SP1: variants seen among roughly 807,000 people sequenced by gnomAD.
SP1 encodes Sp1 transcription factor, also known as transcription factor Sp1.
SP1 carries 6 observed loss-of-function variants against 66.3 expected under a neutral mutation model. The ratio of observed to expected loss-of-function variants is 0.09; its 90% CI spans 0.05 to 0.18. The LOEUF (loss-of-function observed/expected upper bound fraction) is 0.18. SP1 is among the 10% of genes least tolerant of loss of function. The pLI, the probability that SP1 is intolerant of heterozygous loss-of-function variation, is 1.00. For synonymous variants in SP1, 417 were observed against 360.8 expected, an observed-to-expected ratio of 1.16 and a Z score of -1.77; for missense variants, 848 against 964.5, an observed-to-expected ratio of 0.88 and a Z score of 1.60.
At chr12:53,405,711 G>A (rs1938718181) in intron 3 of SP1, among the ~76,000 whole-genome samples, 1 of 151,722 alleles carries the variant, frequency 6.6e-6, no homozygotes. Flanking sequence ...AGGAGGGAAG[G>A]AGGGAGGGAG....
At position 53,415,124 on chromosome 12, in the gene SP1, C is replaced by T. The variant is rs1938969710; in HGVS notation, c.*3884C>T. 6.6e-6 allele frequency: 1 copy of T among 152,516 alleles called. No homozygotes were observed. 9.4% of individuals were successfully genotyped at this position (152,516 alleles called of 1,614,324 possible). ...TGGGGAAAGGGAGGAAGATATGGCA[C>T]TTCTCCAACCCCGGAAAACATTGCT... On this transcript the variant is annotated 3_prime_UTR_variant, in exon 6 of 6. Coordinates refer to ENST00000327443, the MANE Select transcript of SP1 (RefSeq NM_138473.3).
At chr12:53,397,654 C>T (rs886407636) in intron 3 of SP1, among the ~76,000 whole-genome samples, 1 of 147,752 alleles carries the variant, frequency 6.8e-6, no homozygotes, top group Non-Finnish European at 1.5e-5. Context: ...GGCATGATCT[C>T]GGCTCACTGC....
rs752999923 is a variant in SP1 at position 53,406,582 on chromosome 12, C to G, written c.1676-3C>G. 6.2e-7 allele frequency: 1 copy of G among 1,613,404 alleles called. No homozygotes were observed. Among genetic ancestry groups the G allele is most frequent in the Non-Finnish European group, 8.5e-7 (1 of 1,179,544 alleles). Reference sequence around the variant, plus strand: ...TGTTGACCCTTTTCTCTCTTAATTTCAGGTGATCATGGAGCTCAGCTTGGT... The same window carrying G: ...TGTTGACCCTTTTCTCTCTTAATTTGAGGTGATCATGGAGCTCAGCTTGGT... On this transcript the variant is annotated splice_region_variant and splice_polypyrimidine_tract_variant and intron_variant, in intron 3 of 5. Transcript: ENST00000327443.
chr12:53,403,188 CAA>C (rs1282718514), intron 3 of SP1, among the ~76,000 whole-genome samples: 2 of 151,862 alleles, frequency 1.3e-5, no homozygotes, highest in East Asian at 3.9e-4. Context: ...CATAGTAACT[CAA>C]AATTATGTGG....
intron 5 of SP1, among the ~76,000 whole-genome samples, chr12:53,409,876 G>C (rs1565818972): frequency 6.6e-6 from 1 of 152,152 alleles, no homozygotes; most frequent in Non-Finnish European, 1.5e-5. Context: ...CGGGCATGGT[G>C]GCAGGCGCCT....
In SP1 at chr12:53,411,397, G is replaced by A; in HGVS notation, c.*157G>A. 1.7e-6 allele frequency: 1 copy of A among 596,508 alleles called. No individual in the cohort carries two copies. The highest frequency in any genetic ancestry group is 2.9e-6 in the Non-Finnish European group (1 of 348,658). The allele number at this position is 596,508 out of a possible 1,614,324, so 37.0% of individuals were successfully genotyped here. The stretch of plus-strand genomic sequence containing the variant: ...AGAGGGATACAAGAGAGGAGATGGG[G>A]TCCCGGCACCCATCTGTATCATCAG... On this transcript the variant is annotated 3_prime_UTR_variant, in exon 6 of 6. Coordinates refer to ENST00000327443, the MANE Select transcript of SP1 (RefSeq NM_138473.3).
At position 53,412,847 on chromosome 12, in the gene SP1, C is replaced by T. The variant is rs1938922492; in HGVS notation, c.*1607C>T. On this transcript the variant is annotated 3_prime_UTR_variant, in exon 6 of 6. Coordinates refer to ENST00000327443, the MANE Select transcript of SP1 (RefSeq NM_138473.3). ...TGCAACCAGAATTGTCCTCAAGGCC[C>T]AGCCATAAAAGCATTGTCTCTCTCG... 6.6e-6 allele frequency: 1 copy of T among 152,526 alleles called. No individual in the cohort carries two copies. The highest frequency in any genetic ancestry group is 6.6e-5 in the Admixed American group (1 of 15,256). 9.4% of individuals were successfully genotyped at this position (152,526 alleles called of 1,614,324 possible).
In SP1 at chr12:53,404,979, G is replaced by A. The variant is rs1004081314; in HGVS notation, c.1676-1606G>A. The stretch of plus-strand genomic sequence containing the variant: ...CTCCCGAATAGCTAGGATTACAAGC[G>A]TACTCCACCATACCCAGCTGATTTT... On this transcript the variant is annotated intron_variant, in intron 3 of 5. Coordinates refer to ENST00000327443, the MANE Select transcript of SP1 (RefSeq NM_138473.3). Among the ~76,000 whole-genome samples, 5 of 152,048 alleles carry A rather than the reference G, an allele frequency of 3.3e-5. No individual in the cohort carries two copies. The South Asian group carries it at 8.3e-4, about 25-fold the overall frequency.
At position 53,411,715 on chromosome 12, in the gene SP1, G is replaced by A. The variant is rs2136922163; in HGVS notation, c.*475G>A. 6.6e-6 allele frequency: 1 copy of A among 150,410 alleles called. No individual in the cohort carries two copies. The highest frequency in any genetic ancestry group is 2.1e-4 in the South Asian group (1 of 4,766). 9.3% of individuals were successfully genotyped at this position (150,410 alleles called of 1,614,324 possible). On this transcript the variant is annotated 3_prime_UTR_variant, in exon 6 of 6. Transcript: ENST00000327443. The stretch of plus-strand genomic sequence containing the variant: ...ATGCATTCACAGGGGTTGGCTGGGA[G>A]GAGGAAGACCATTCTGTGACCAAAA...
At chr12:53,397,091 T>C (rs1938508028) in intron 3 of SP1, among the ~76,000 whole-genome samples, 1 of 152,156 alleles carries the variant, frequency 6.6e-6, no homozygotes, top group African/African-American at 2.4e-5. Context: ...CTTGGCTCAC[T>C]GCAACCTCCA....
chr12:53,406,796 T>G lies in SP1; in HGVS notation c.1844+43T>G, dbSNP rs1264301723. On this transcript the variant is annotated intron_variant, in intron 4 of 5. Coordinates refer to ENST00000327443, the MANE Select transcript of SP1 (RefSeq NM_138473.3). ...GTTTCTTACAAATATAAAGAAAAAT[T>G]AATAGATTTGGAGATAAGAGGAAGA... is the stretch of plus-strand genomic sequence containing the variant. 2.6e-6 allele frequency: 4 copies of G among 1,525,650 alleles called. No individual in the cohort carries two copies. The African/African-American group carries it at 4.2e-5, about 16-fold the overall frequency. The allele number at this position is 1,525,650 out of a possible 1,614,324, so 94.5% of individuals were successfully genotyped here.
intron 3 of SP1, among the ~76,000 whole-genome samples, chr12:53,392,217 G>C (rs1418842180): frequency 6.6e-6 from 1 of 152,086 alleles, no homozygotes; most frequent in Non-Finnish European, 1.5e-5. Context: ...TCACGCTCTT[G>C]TGACAGAGGC....
intron 5 of SP1, among the ~76,000 whole-genome samples, chr12:53,410,666 C>A (rs551993150): frequency 1.1e-4 from 16 of 151,966 alleles, no homozygotes; most frequent in Admixed American, 1.0e-3. Context: ...CCACCACGCC[C>A]GGCTAATTTT....
At chr12:53,386,003 T>G (rs187081446) in intron 3 of SP1, among the ~76,000 whole-genome samples, 1 of 152,178 alleles carries the variant, frequency 6.6e-6, no homozygotes, top group Non-Finnish European at 1.5e-5. Context: ...TAACTCCTAA[T>G]TGAAGGGAAA....
Position 53,380,243 on chromosome 12 carries a change from C to T in SP1, c.-49C>T, listed in dbSNP as rs776582600. The T allele has an allele frequency of 1.5e-6, 2 of 1,338,800 alleles. No homozygotes were observed. The highest frequency in any genetic ancestry group is 1.1e-6 in the Non-Finnish European group (1 of 933,830). 82.9% of individuals were successfully genotyped at this position (1,338,800 alleles called of 1,614,324 possible). A position where few individuals can be genotyped will look rare whatever the true frequency, so the allele number is the denominator to read the frequency against. On this transcript the variant is annotated 5_prime_UTR_variant, in exon 1 of 6. Coordinates refer to ENST00000327443, the MANE Select transcript of SP1 (RefSeq NM_138473.3). ...GCGTCCGCGTTTTTCCCGGCCCCCCCCAACCCCCCCGGACAGGACCCCCTT... is the reference window on the plus strand; with the variant it reads ...GCGTCCGCGTTTTTCCCGGCCCCCCTCAACCCCCCCGGACAGGACCCCCTT...
At chr12:53,396,284 A>C (rs1028426933) in intron 3 of SP1, among the ~76,000 whole-genome samples, 3 of 149,314 alleles carry the variant, frequency 2.0e-5, no homozygotes, top group Non-Finnish European at 4.5e-5. Flanking sequence ...CAAAAAAAAA[A>C]AAAAGCCAGG....
At position 53,383,522 on chromosome 12, in the gene SP1, C is replaced by T. The variant is rs781706624; in HGVS notation, c.1575C>T (p.Ser525=). 4.3e-6 allele frequency: 7 copies of T among 1,614,180 alleles called. No individual in the cohort carries two copies. Among genetic ancestry groups the T allele is most frequent in the Non-Finnish European group, 5.1e-6 (6 of 1,180,032 alleles). Residue 525 remains serine (S), a synonymous_variant, in exon 3 of 6, where the codon TCC becomes TCT. Coordinates refer to ENST00000327443, the MANE Select transcript of SP1 (RefSeq NM_138473.3). ...CTGTGAATGCTGCTCAACTCTCCTC[C>T]ATGCCAGGCCTCCAGACCATTAACC... The part of the protein sequence containing the change: ...TVTVNAAQLS[S]MPGLQTINLS...
chr12:53,391,870 G>T (rs1441733049), intron 3 of SP1, among the ~76,000 whole-genome samples: 1 of 151,662 alleles, frequency 6.6e-6, no homozygotes. Flanking sequence ...CTGTTCCAGC[G>T]TTTATTCACT....
intron 3 of SP1, among the ~76,000 whole-genome samples, chr12:53,394,678 G>A (rs1463790378): frequency 1.6e-5 from 2 of 128,882 alleles, no homozygotes; most frequent in African/African-American, 3.1e-5. Context: ...GCAGTGGCAC[G>A]ATCTTGGCTC....
Sources: gnomAD v4.1 joint callset for allele counts (sites outside exome capture counted in the v4.1 genomes callset) on GRCh38, gnomAD v4.1.1 for gene constraint, MANE v1.5 for transcripts, NCBI Gene and HGNC (gene_info 2026-07-23, HGNC 2026-07-21) for gene names.